ARHGAP18: variants seen among roughly 807,000 people sequenced by gnomAD.
The protein encoded by ARHGAP18 is Rho GTPase activating protein 18, also known as rho GTPase-activating protein 18.
ARHGAP18 carries 67 observed loss-of-function variants against 86.2 expected under a neutral mutation model. The ratio of observed to expected loss-of-function variants is 0.78; its 90% CI spans 0.64 to 0.95. The LOEUF (loss-of-function observed/expected upper bound fraction) is 0.95, where lower values mean the gene tolerates loss of function less well. Among genes scored for constraint, ARHGAP18 ranks in the 40% least tolerant of loss-of-function variants. ARHGAP18 has a pLI of 0.00. For missense variants in ARHGAP18, 691 were observed against 780.4 expected (o/e 0.89, Z 1.37); for synonymous variants, 283 against 280.4 (o/e 1.01, Z -0.09).
chr6:129,633,871 T>A (rs1773269606), intron 4 of ARHGAP18, among the ~76,000 whole-genome samples, 171 bp downstream of exon 4: 1 of 152,126 alleles, frequency 6.6e-6, no homozygotes, highest in Non-Finnish European at 1.5e-5. Context: ...TAAAAGAAAA[T>A]TGAAGGCCAG....
chr6:129,619,948 G>A (rs551594421), intron 5 of ARHGAP18, among the ~76,000 whole-genome samples: 1 of 151,536 alleles, frequency 6.6e-6, no homozygotes, highest in Non-Finnish European at 1.5e-5. Flanking sequence ...GGAGATGGAG[G>A]GGGAGGGAAA....
chr6:129,676,014 C>T (rs1774225819), intron 1 of ARHGAP18, among the ~76,000 whole-genome samples: 1 of 152,156 alleles, frequency 6.6e-6, no homozygotes, highest in Admixed American at 6.5e-5. Flanking sequence ...TAAAACAGAT[C>T]CACCCAAAAA....
chr6:129,693,805 T>C (rs1774567023), intron 1 of ARHGAP18, among the ~76,000 whole-genome samples: 1 of 152,242 alleles, frequency 6.6e-6, no homozygotes, highest in African/African-American at 2.4e-5. Context: ...ATTCTCATCT[T>C]ATGAGGATTA....
intron 3 of ARHGAP18, among the ~76,000 whole-genome samples, chr6:129,635,974 G>C (rs977114347): frequency 1.3e-5 from 2 of 152,198 alleles, no homozygotes; most frequent in African/African-American, 4.8e-5. Context: ...CATCCTCTTG[G>C]AGACTGGCAG....
At chr6:129,632,417 A>C (rs1251326927) in intron 4 of ARHGAP18, among the ~76,000 whole-genome samples, 1 of 152,176 alleles carries the variant, frequency 6.6e-6, no homozygotes, top group East Asian at 1.9e-4. Flanking sequence ...ACTTTTGTTG[A>C]TATAGCCTAC....
rs1238610576 is a variant in ARHGAP18, at chr6:129,625,269, ATATATT to A, written c.786+4078_786+4083del. ...ATATGTAATATATATGATATATGAT[ATATATT>A]TATATGTAATATATATGATATATGA... On this transcript the variant is annotated intron_variant, in intron 5 of 14. Transcript: ENST00000368149. 4.5e-4 allele frequency among the ~76,000 whole-genome samples: 34 copies of A among 75,024 alleles called. 7 individuals carry two copies. The highest frequency in any genetic ancestry group is 7.0e-4 in the Admixed American group (3 of 4,284). 49.2% of individuals were successfully genotyped at this position (75,024 alleles called of 152,430 possible).
chr6:129,669,769 G>T (rs1405960176), intron 1 of ARHGAP18, among the ~76,000 whole-genome samples: 2 of 149,412 alleles, frequency 1.3e-5, no homozygotes, highest in South Asian at 4.3e-4. Context: ...TGGGGAACAA[G>T]AGTGAAACGT....
intron 8 of ARHGAP18, among the ~76,000 whole-genome samples, chr6:129,609,833 A>G (rs557726146): frequency 1.3e-5 from 2 of 152,222 alleles, no homozygotes; most frequent in Admixed American, 6.5e-5. Context: ...ATCACTATGT[A>G]GTAAGAGCCA....
At chr6:129,585,207 G>A (rs1436932251) in intron 12 of ARHGAP18, among the ~76,000 whole-genome samples, 1 of 151,838 alleles carries the variant, frequency 6.6e-6, no homozygotes, top group East Asian at 1.9e-4. Flanking sequence ...TAGGAGAATT[G>A]CTTGAACCCA....
rs1023835957 is a variant in ARHGAP18 at position 129,583,929 on chromosome 6, G to A, written c.1838+59C>T. 7.5e-5 allele frequency: 97 copies of A among 1,287,716 alleles called. No individual in the cohort carries two copies. In the East Asian group the frequency reaches 2.5e-3, roughly 34 times the overall value. 79.8% of individuals were successfully genotyped at this position (1,287,716 alleles called of 1,614,324 possible). A position where few individuals can be genotyped will look rare whatever the true frequency, so the allele number is the denominator to read the frequency against. On this transcript the variant is annotated intron_variant, in intron 13 of 14. Transcript: ENST00000368149. ...AGGAAGAAGAAGCAGCAGCGAAGGC[G>A]AGAGAGAGAGAGCAAGTGACTTATG...
Position 129,690,890 on chromosome 6 carries a change from T to C in ARHGAP18, c.113+19134A>G, listed in dbSNP as rs182437676. ...AAAGATTTTCTTAAAATCTTTGAAA[T>C]TGAAAATTCATTTCAATGCTATCAT... is the stretch of plus-strand genomic sequence containing the variant. On this transcript the variant is annotated intron_variant, in intron 1 of 14. Transcript: ENST00000368149. Among the ~76,000 whole-genome samples the C allele has an allele frequency of 1.1e-3, 162 of 152,322 alleles. 1 individual carries two copies. The highest frequency in any genetic ancestry group is 2.3e-3 in the Admixed American group (35 of 15,296).
In ARHGAP18 at chr6:129,710,060, T is replaced by G; in HGVS notation, c.77A>C (p.Asn26Thr). Reference sequence around the variant, plus strand: ...TTCCTCCCCTGCCTTTGCATGGCTGTTCCCGACGGTCTGGTCCTTGCCGCT... The same window carrying G: ...TTCCTCCCCTGCCTTTGCATGGCTGGTCCCGACGGTCTGGTCCTTGCCGCT... Reference protein sequence around the residue: ...HPSGKDQTVGNSHAKAGEEAT... With the variant: ...HPSGKDQTVGTSHAKAGEEAT... Residue 26 changes from asparagine (N) to threonine (T), a missense_variant, in exon 1 of 15, where the codon AAC becomes ACC. Coordinates refer to ENST00000368149, the MANE Select transcript of ARHGAP18 (RefSeq NM_033515.3). 6.2e-7 allele frequency: 1 copy of G among 1,614,146 alleles called. No homozygotes were observed. The highest frequency in any genetic ancestry group is 8.5e-7 in the Non-Finnish European group (1 of 1,179,960).
At chr6:129,664,594 A>G (rs1435615892) in intron 1 of ARHGAP18, among the ~76,000 whole-genome samples, 1 of 152,200 alleles carries the variant, frequency 6.6e-6, no homozygotes, top group African/African-American at 2.4e-5. Context: ...ATCAAAGGCA[A>G]GTTATCTAAA....
chr6:129,630,596 A>C (rs1427134899), intron 4 of ARHGAP18, among the ~76,000 whole-genome samples: 1 of 152,260 alleles, frequency 6.6e-6, no homozygotes, highest in African/African-American at 2.4e-5. Flanking sequence ...CAGTTCAGAA[A>C]AATAATGTTT....
chr6:129,621,126 T>A (rs1428458921), intron 5 of ARHGAP18, among the ~76,000 whole-genome samples: 1 of 152,208 alleles, frequency 6.6e-6, no homozygotes, highest in Non-Finnish European at 1.5e-5. Context: ...TCAATTTTAT[T>A]TTCAGATATG....
intron 10 of ARHGAP18, among the ~76,000 whole-genome samples, chr6:129,604,730 C>T (rs1788818176): frequency 1.3e-5 from 2 of 152,190 alleles, no homozygotes; most frequent in African/African-American, 4.8e-5. Flanking sequence ...AAACCTAATG[C>T]TGTCTTCTGG....
At chr6:129,602,419 C>T (rs142154442) in intron 10 of ARHGAP18, among the ~76,000 whole-genome samples, 1 of 151,948 alleles carries the variant, frequency 6.6e-6, no homozygotes, top group Admixed American at 6.6e-5. Flanking sequence ...CCTAAAATCC[C>T]TACCCTAAAA....
intron 1 of ARHGAP18, among the ~76,000 whole-genome samples, chr6:129,674,355 G>T (rs1774193299): frequency 6.6e-6 from 1 of 152,106 alleles, no homozygotes; most frequent in Non-Finnish European, 1.5e-5. Flanking sequence ...TATGAACATG[G>T]TATCCGTTTA....
At chr6:129,629,259 A>C in intron 5 of ARHGAP18, 94 bp downstream of exon 5, 2 of 1,018,904 alleles carry the variant, frequency 2.0e-6, no homozygotes, top group African/African-American at 1.7e-5. Flanking sequence ...ATATATATAT[A>C]TATGTGTGTG....
Sources: gnomAD v4.1 joint callset for allele counts (sites outside exome capture counted in the v4.1 genomes callset) on GRCh38, gnomAD v4.1.1 for gene constraint, MANE v1.5 for transcripts, NCBI Gene and HGNC (gene_info 2026-07-23, HGNC 2026-07-21) for gene names.